RNGTT: variants seen among roughly 807,000 people sequenced by gnomAD.
The protein encoded by RNGTT is RNA guanylyltransferase and 5'-phosphatase, also known as mRNA-capping enzyme.
Under a neutral mutation model 79.3 loss-of-function variants are expected in RNGTT, and 33 were observed. The ratio of observed to expected loss-of-function variants is 0.42; its 90% CI spans 0.32 to 0.56. The LOEUF is 0.56. RNGTT is among the 20% of genes least tolerant of loss of function. RNGTT has a pLI of 0.17. For missense variants in RNGTT, 497 were observed against 739.1 expected, an observed-to-expected ratio of 0.67 and a Z score of 3.80; for synonymous variants, 222 against 235.9, an observed-to-expected ratio of 0.94 and a Z score of 0.54.
In RNGTT at chr6:88,770,014, G is replaced by A. The variant is rs78495465; in HGVS notation, c.1339-140C>T. ...ATTTTAATCTTCAACCAACAAGTCA[G>A]GCTAGATATCTACCTTCTTATTGAT... On this transcript the variant is annotated intron_variant, in intron 12 of 15. Coordinates refer to ENST00000369485, the MANE Select transcript of RNGTT (RefSeq NM_003800.5). 1,893 of 573,290 alleles carry A rather than the reference G, an allele frequency of 3.3e-3. 26 individuals carry two copies. Among genetic ancestry groups the A allele is most frequent in the African/African-American group, 0.031 (1,694 of 53,830 alleles). The allele number at this position is 573,290 out of a possible 1,614,324, so 35.5% of individuals were successfully genotyped here.
chr6:88,798,009 G>C (rs1271680630), intron 12 of RNGTT, among the ~76,000 whole-genome samples: 1 of 149,358 alleles, frequency 6.7e-6, no homozygotes, highest in Admixed American at 6.7e-5. Context: ...TGCAGAAAAA[G>C]GTAAGAGACT....
In RNGTT at chr6:88,704,272, A is replaced by AC. The variant is rs1338157761; in HGVS notation, c.1440-25854_1440-25853insG. Reference sequence around the variant, plus strand: ...GAGACTCTGTCTCAAAAAAAAAAAAAAAAAAAAAAAAAAAGACAGACTTCA... The same window carrying AC: ...GAGACTCTGTCTCAAAAAAAAAAAAACAAAAAAAAAAAAAAGACAGACTTCA... On this transcript the variant is annotated intron_variant, in intron 13 of 15. Coordinates refer to ENST00000369485, the MANE Select transcript of RNGTT (RefSeq NM_003800.5). Among the ~76,000 whole-genome samples the AC allele has an allele frequency of 4.9e-4, 73 of 149,904 alleles. 1 individual carries two copies. The highest frequency in any genetic ancestry group is 1.4e-3 in the African/African-American group (55 of 40,680).
chr6:88,803,895 T>C (rs1779873731), intron 11 of RNGTT, among the ~76,000 whole-genome samples: 1 of 152,192 alleles, frequency 6.6e-6, no homozygotes, highest in African/African-American at 2.4e-5. Flanking sequence ...GAAAGTAATT[T>C]CATTTTTTAT....
intron 10 of RNGTT, among the ~76,000 whole-genome samples, chr6:88,845,489 A>ACT (rs1781456203): frequency 6.6e-6 from 1 of 152,234 alleles, no homozygotes; most frequent in African/African-American, 2.4e-5. Context: ...CATCCAGATT[A>ACT]GTAATTATCG....
At chr6:88,637,399 A>T (rs1402888420) in intron 14 of RNGTT, among the ~76,000 whole-genome samples, 4 of 152,118 alleles carry the variant, frequency 2.6e-5, no homozygotes, top group African/African-American at 9.7e-5. Context: ...TTCAGACTGA[A>T]TTGGAAAAGG....
intron 7 of RNGTT, among the ~76,000 whole-genome samples, chr6:88,891,121 A>T (rs1458384871): frequency 1.3e-5 from 2 of 152,060 alleles, no homozygotes; most frequent in East Asian, 3.8e-4. Context: ...GTTTAACACA[A>T]CATTAAAACC....
chr6:88,662,866 T>C (rs1269377015), intron 14 of RNGTT, among the ~76,000 whole-genome samples: 1 of 152,246 alleles, frequency 6.6e-6, no homozygotes, highest in South Asian at 2.1e-4. Context: ...ATGGTAAGAC[T>C]GGCCTTGGAA....
At chr6:88,726,027 CAG>C (rs560134535) in intron 13 of RNGTT, among the ~76,000 whole-genome samples, 136 of 151,592 alleles carry the variant, frequency 9.0e-4, no homozygotes, top group Admixed American at 3.7e-3. Context: ...GAGAGAGAGA[CAG>C]AGAGTCAAAG....
intron 14 of RNGTT, among the ~76,000 whole-genome samples, chr6:88,622,611 T>C (rs1038662503): frequency 6.6e-6 from 1 of 152,158 alleles, no homozygotes; most frequent in Non-Finnish European, 1.5e-5. Context: ...TGCTACTCCT[T>C]CTCAGGCTTC....
chr6:88,796,714 G>A (rs1378414254), intron 12 of RNGTT, among the ~76,000 whole-genome samples: 1 of 152,142 alleles, frequency 6.6e-6, no homozygotes, highest in Non-Finnish European at 1.5e-5. Context: ...TACCTTAGAA[G>A]ACAAGTATAA....
intron 1 of RNGTT, among the ~76,000 whole-genome samples, chr6:88,955,349 G>A (rs576762971): frequency 2.0e-5 from 3 of 152,044 alleles, no homozygotes; most frequent in South Asian, 4.2e-4. Flanking sequence ...AGGAGTTCGA[G>A]ACCAGCCTGG....
At chr6:88,907,880 G>A (rs532983955) in intron 4 of RNGTT, among the ~76,000 whole-genome samples, 3 of 151,694 alleles carry the variant, frequency 2.0e-5, no homozygotes, top group South Asian at 2.1e-4. Context: ...GGAACTACAG[G>A]CTCACACCAC....
chr6:88,704,247 G>A (rs1241293621), intron 13 of RNGTT, among the ~76,000 whole-genome samples: 10 of 105,838 alleles, frequency 9.4e-5, no homozygotes, highest in Admixed American at 1.5e-4. Flanking sequence ...GTGACAGAGC[G>A]AGACTCTGTC....
At chr6:88,817,749 ATT>A (rs71554802) in intron 11 of RNGTT, among the ~76,000 whole-genome samples, 1,239 of 71,164 alleles carry the variant, frequency 0.017, 1 homozygote, top group African/African-American at 0.066. Flanking sequence ...TATTCACATC[ATT>A]TTTTTTTTTT....
intron 11 of RNGTT, among the ~76,000 whole-genome samples, chr6:88,817,777 T>TTTTTG (rs1780365156): frequency 7.0e-6 from 1 of 142,548 alleles, no homozygotes; most frequent in Non-Finnish European, 1.5e-5. Flanking sequence ...TTTTTTTTTT[T>TTTTTG]GAGACGGAGT....
intron 13 of RNGTT, among the ~76,000 whole-genome samples, chr6:88,745,547 T>C (rs906970051): frequency 2.0e-5 from 3 of 152,200 alleles, no homozygotes; most frequent in Admixed American, 6.5e-5. Context: ...TAAAATATGT[T>C]ATTGGAATTA....
intron 11 of RNGTT, among the ~76,000 whole-genome samples, chr6:88,807,960 T>C (rs1780014257): frequency 6.6e-6 from 1 of 152,044 alleles, no homozygotes; most frequent in Non-Finnish European, 1.5e-5. Context: ...CAAATGAAAA[T>C]ATCTTTCAAT....
intron 12 of RNGTT, among the ~76,000 whole-genome samples, chr6:88,775,006 T>C (rs1778826690): frequency 1.3e-5 from 2 of 152,178 alleles, no homozygotes; most frequent in African/African-American, 2.4e-5. Context: ...CTAATGTATA[T>C]AATATGTAAA....
chr6:88,883,068 G>A (rs1248249707), intron 8 of RNGTT, among the ~76,000 whole-genome samples: 2 of 149,886 alleles, frequency 1.3e-5, no homozygotes, highest in African/African-American at 2.5e-5. Flanking sequence ...CTAGAAGACT[G>A]TGTTTTCCTC....
Sources: allele counts gnomAD v4.1 joint callset (sites outside exome capture counted in the v4.1 genomes callset), GRCh38; gene constraint gnomAD v4.1.1; transcripts MANE v1.5; gene names NCBI Gene and HGNC (gene_info 2026-07-23, HGNC 2026-07-21).